Variants in MOGAT1 observed in about 807,000 individuals in gnomAD.
The protein encoded by MOGAT1 is monoacylglycerol O-acyltransferase 1.
Under a neutral mutation model 31.4 loss-of-function variants are expected in MOGAT1, and 32 were observed. The observed-to-expected ratio is 1.02, with a 90% CI of 0.77 to 1.37. The LOEUF is 1.37. Ranked by LOEUF, MOGAT1 falls within the 40% of genes most tolerant of loss-of-function variation. The probability of loss-of-function intolerance (pLI) is 0.00; values close to 1 mark genes in which losing one functional copy is unlikely to be tolerated. For missense variants in MOGAT1, 426 were observed against 402.0 expected, an observed-to-expected ratio of 1.06 and a Z score of -0.51; for synonymous variants, 145 against 144.5, an observed-to-expected ratio of 1.00 and a Z score of -0.03.
At chr2:222,689,539 A>T in intron 3 of MOGAT1, 70 bp downstream of exon 3, 1 of 1,411,006 alleles carries the variant, frequency 7.1e-7, no homozygotes, top group Non-Finnish European at 1.0e-6. Flanking sequence ...ATTCCCTCCC[A>T]GGCCCATGTG....
chr2:222,706,850 G>A (rs73073799), intron 5 of MOGAT1, among the ~76,000 whole-genome samples: 1,619 of 152,296 alleles, frequency 0.011, 35 homozygotes, highest in African/African-American at 0.037. Context: ...GCTCAGTGCT[G>A]GAAGAATGCT....
chr2:222,707,044 T>C lies in MOGAT1; in HGVS notation c.854-2692T>C, dbSNP rs552544723. ...GTCTCTACTAAAAATACAAAAAAGTTGGCTGGGCGTGGTGGCACATGCCTG... is the reference window on the plus strand; with the variant it reads ...GTCTCTACTAAAAATACAAAAAAGTCGGCTGGGCGTGGTGGCACATGCCTG... On this transcript the variant is annotated intron_variant, in intron 5 of 5. Coordinates refer to ENST00000446656, the MANE Select transcript of MOGAT1 (RefSeq NM_058165.3). Among the ~76,000 whole-genome samples the C allele has an allele frequency of 1.4e-4, 21 of 151,992 alleles. No individual in the cohort carries two copies. In the South Asian group the frequency reaches 3.1e-3, roughly 23 times the overall value.
chr2:222,700,229 C>A lies in MOGAT1; in HGVS notation c.853+4941C>A, dbSNP rs558927870. On this transcript the variant is annotated intron_variant, in intron 5 of 5. Transcript: ENST00000446656. Reference sequence around the variant, plus strand: ...TAGTCTGTAGGCTTAAATGATTGCACTTGTCACCTGGTTAAGCTTTTTTAC... The same window carrying A: ...TAGTCTGTAGGCTTAAATGATTGCAATTGTCACCTGGTTAAGCTTTTTTAC... Among the ~76,000 whole-genome samples the A allele has an allele frequency of 2.2e-3, 342 of 152,314 alleles. 2 individuals carry two copies. The highest frequency in any genetic ancestry group is 7.7e-3 in the African/African-American group (322 of 41,576).
rs1425050844 is a variant in MOGAT1, at chr2:222,689,396, C to T, written c.405C>T (p.Gly135=). ...NYSDFKDLFP[G]FTSYLHVLPL... Reference sequence around the variant, plus strand: ...CTGACTTCAAGGACCTGTTTCCTGGCTTTACTTCATATCTTCACGTGCTGC... The same window carrying T: ...CTGACTTCAAGGACCTGTTTCCTGGTTTTACTTCATATCTTCACGTGCTGC... The change falls in exon 3 of 6, where the codon GGC becomes GGT. Residue 135 remains glycine, a synonymous_variant. Coordinates refer to ENST00000446656, the MANE Select transcript of MOGAT1 (RefSeq NM_058165.3). 1 of 1,613,896 alleles carries T rather than the reference C, an allele frequency of 6.2e-7. No homozygotes were observed. Among genetic ancestry groups the T allele is most frequent in the African/African-American group, 1.3e-5 (1 of 74,934 alleles).
intron 5 of MOGAT1, among the ~76,000 whole-genome samples, chr2:222,701,528 A>T (rs1264134289): frequency 1.9e-5 from 2 of 104,678 alleles, no homozygotes; most frequent in African/African-American, 4.8e-5. Context: ...GGGAAAAGAA[A>T]GAAAGAGAAA....
At chr2:222,692,475 C>T (rs943068878) in intron 3 of MOGAT1, among the ~76,000 whole-genome samples, 1 of 152,108 alleles carries the variant, frequency 6.6e-6, no homozygotes, top group African/African-American at 2.4e-5. Context: ...GTGTTTTGAC[C>T]AGATAGATGA....
chr2:222,700,641 G>A (rs1692905776), intron 5 of MOGAT1, among the ~76,000 whole-genome samples: 1 of 152,134 alleles, frequency 6.6e-6, no homozygotes, highest in Non-Finnish European at 1.5e-5. Context: ...ATCTCGATTT[G>A]TGTGAACTAG....
intron 5 of MOGAT1, among the ~76,000 whole-genome samples, chr2:222,696,118 G>C (rs1354262297): frequency 6.6e-6 from 1 of 152,204 alleles, no homozygotes; most frequent in East Asian, 1.9e-4. Flanking sequence ...TGGCTAAGTA[G>C]TAGTCCATGA....
intron 4 of MOGAT1, among the ~76,000 whole-genome samples, 158 bp downstream of exon 4, chr2:222,694,694 C>T (rs1692815911): frequency 6.6e-6 from 1 of 152,190 alleles, no homozygotes; most frequent in African/African-American, 2.4e-5. Flanking sequence ...TGGAATATGA[C>T]CTTTTTACTA....
intron 2 of MOGAT1, among the ~76,000 whole-genome samples, chr2:222,688,842 AGGAAC>A (rs1221952022): frequency 6.6e-6 from 1 of 152,180 alleles, no homozygotes; most frequent in Non-Finnish European, 1.5e-5. Context: ...TTCCTTTATA[AGGAAC>A]TCACTCCCAA....
At chr2:222,675,349 CAGT>C (rs2106030137) in intron 1 of MOGAT1, among the ~76,000 whole-genome samples, 1 of 152,248 alleles carries the variant, frequency 6.6e-6, no homozygotes, top group African/African-American at 2.4e-5. Flanking sequence ...TACAATTGGT[CAGT>C]GGGTCTAGGA....
rs930138449 is a variant in MOGAT1 at position 222,709,796 on chromosome 2, T to C, written c.914T>C (p.Leu305Ser). Residue 305 changes from leucine (L) to serine (S), a missense_variant, in exon 6 of 6, where the codon TTA (leucine) becomes TCA (serine). Coordinates refer to ENST00000446656, the MANE Select transcript of MOGAT1 (RefSeq NM_058165.3). ...LNPTQEQIEELHQTYMEELRK... is the reference protein window; with the variant it reads ...LNPTQEQIEESHQTYMEELRK... ...CCGACCCAGGAGCAGATTGAGGAGTTACATCAGACCTATATGGAGGAACTT... is the reference window on the plus strand; with the variant it reads ...CCGACCCAGGAGCAGATTGAGGAGTCACATCAGACCTATATGGAGGAACTT... 6.2e-7 allele frequency: 1 copy of C among 1,613,464 alleles called. No individual in the cohort carries two copies. Among genetic ancestry groups the C allele is most frequent in the Non-Finnish European group, 8.5e-7 (1 of 1,179,722 alleles).
intron 1 of MOGAT1, among the ~76,000 whole-genome samples, chr2:222,675,693 A>T (rs576696389): frequency 6.6e-6 from 1 of 151,934 alleles, no homozygotes; most frequent in South Asian, 2.1e-4. Flanking sequence ...GTTAGCCAGG[A>T]TGGTCTCGGT....
At chr2:222,708,121 T>G (rs2106047429) in intron 5 of MOGAT1, among the ~76,000 whole-genome samples, 1 of 152,270 alleles carries the variant, frequency 6.6e-6, no homozygotes, top group East Asian at 1.9e-4. Flanking sequence ...TCTTGCTCTG[T>G]CCCCCAGGCT....
Position 222,688,439 on chromosome 2 carries a change from AC to A in MOGAT1, c.194del (p.Pro65GlnfsTer49), listed in dbSNP as rs752132263. 147 of 1,613,656 alleles carry A rather than the reference AC, an allele frequency of 9.1e-5. No homozygotes were observed. The highest frequency in any genetic ancestry group is 1.1e-4 in the Non-Finnish European group (124 of 1,179,830). ...GATGTGGCTTTACTTTGACTGGCAT[AC>A]CCCAGAGCGAGGAGGCAGGAGATCC... ...YLMWLYFDWH[T>X]PERGGRRSSW... On this transcript the variant is annotated frameshift_variant, in exon 2 of 6. Coordinates refer to ENST00000446656, the MANE Select transcript of MOGAT1 (RefSeq NM_058165.3). LOFTEE classifies it high-confidence loss of function.
At chr2:222,687,904 A>G (rs1237560364) in intron 1 of MOGAT1, among the ~76,000 whole-genome samples, 3 of 152,222 alleles carry the variant, frequency 2.0e-5, no homozygotes, top group Admixed American at 6.5e-5. Context: ...GCCAATGTAA[A>G]GCTATGACTA....
intron 3 of MOGAT1, among the ~76,000 whole-genome samples, chr2:222,691,988 C>G (rs1692769589): frequency 6.6e-6 from 1 of 152,204 alleles, no homozygotes; most frequent in Admixed American, 6.5e-5. Context: ...GGACAGGTAA[C>G]AGAATCAGAT....
At chr2:222,709,659 C>A in intron 5 of MOGAT1, 77 bp from the exon 6 acceptor site, 1 of 1,356,760 alleles carries the variant, frequency 7.4e-7, no homozygotes. Context: ...GTTGTGTTCA[C>A]AGCTGTGCAT....
At chr2:222,699,079 C>T (rs1419080089) in intron 5 of MOGAT1, 2 of 149,620 alleles carry the variant, frequency 1.3e-5, no homozygotes, top group East Asian at 2.0e-4. Context: ...TCTCTGCTCA[C>T]TGCAACCTCG....
Sources: gnomAD v4.1 joint callset for allele counts (sites outside exome capture counted in the v4.1 genomes callset) on GRCh38, gnomAD v4.1.1 for gene constraint, MANE v1.5 for transcripts, NCBI Gene and HGNC (gene_info 2026-07-23, HGNC 2026-07-21) for gene names.